The following AGBL4 variants were observed in gnomAD, a reference collection of about 807,000 sequenced individuals.
AGBL4 encodes AGBL carboxypeptidase 4.
A neutral mutation model predicts 66.4 loss-of-function variants in AGBL4; 58 were observed. That is an observed-to-expected ratio of 0.87 (90% CI 0.71 to 1.09). The LOEUF is 1.09. Ranked by LOEUF, AGBL4 falls within the 50% of genes least tolerant of loss-of-function variation. The probability of loss-of-function intolerance (pLI) is 0.00; values close to 1 mark genes in which losing one functional copy is unlikely to be tolerated. For synonymous variants in AGBL4, 234 were observed against 222.9 expected (o/e 1.05, Z -0.44); for missense variants, 579 against 631.0 (o/e 0.92, Z 0.88).
In AGBL4 at chr1:50,023,883, A is replaced by AC. The variant is rs1662639533; in HGVS notation, c.-88dup. 5 of 1,423,444 alleles carry AC rather than the reference A, an allele frequency of 3.5e-6. No individual in the cohort carries two copies. The highest frequency in any genetic ancestry group is 5.7e-5 in the East Asian group (2 of 34,984). 88.2% of individuals were successfully genotyped at this position (1,423,444 alleles called of 1,614,324 possible). A position where few individuals can be genotyped will look rare whatever the true frequency, so the allele number is the denominator to read the frequency against. ...TGGGATCAGTGGGCTGACAGGAGCT[A>AC]CCTCAGGAAGACGCGGCACGACGGT... On this transcript the variant is annotated 5_prime_UTR_variant, in exon 1 of 14. Coordinates refer to ENST00000371839, the MANE Select transcript of AGBL4 (RefSeq NM_032785.4).
chr1:48,717,483 G>C (rs182503042), intron 6 of AGBL4, among the ~76,000 whole-genome samples: 22 of 151,978 alleles, frequency 1.4e-4, no homozygotes, highest in African/African-American at 5.1e-4. Flanking sequence ...TTTGTTTGCT[G>C]TATTGACATT....
At chr1:48,769,776 C>G (rs1353836317) in intron 6 of AGBL4, among the ~76,000 whole-genome samples, 2 of 152,142 alleles carry the variant, frequency 1.3e-5, no homozygotes, top group Non-Finnish European at 2.9e-5. Flanking sequence ...CTAAATAACA[C>G]AGTGGGCAAT....
Position 49,345,444 on chromosome 1 carries a change from T to C in AGBL4, c.283-99580A>G, listed in dbSNP as rs111950985. 3.6e-3 allele frequency among the ~76,000 whole-genome samples: 554 copies of C among 152,254 alleles called. 5 individuals are homozygous for C. The highest frequency in any genetic ancestry group is 0.013 in the African/African-American group (532 of 41,550). ...CTAGAGGACTTTGATGAATACTCTT[T>C]AATGTAGGTCTCCAATAACTTTGGA... is the stretch of plus-strand genomic sequence containing the variant. On this transcript the variant is annotated intron_variant, in intron 3 of 13. Coordinates refer to ENST00000371839, the MANE Select transcript of AGBL4 (RefSeq NM_032785.4).
intron 1 of AGBL4, among the ~76,000 whole-genome samples, chr1:49,939,247 G>A (rs61785500): frequency 6.7e-6 from 1 of 150,130 alleles, no homozygotes. Context: ...TGGGTAGGAA[G>A]AATCAATATC....
At chr1:49,483,277 AAAT>A in intron 3 of AGBL4, among the ~76,000 whole-genome samples, 1 of 152,144 alleles carries the variant, frequency 6.6e-6, no homozygotes, top group East Asian at 1.9e-4. Context: ...CCAAAGAAGT[AAAT>A]AATCTTGGCA....
intron 3 of AGBL4, among the ~76,000 whole-genome samples, chr1:49,551,685 T>C (rs1652966280): frequency 6.6e-6 from 1 of 152,186 alleles, no homozygotes; most frequent in Non-Finnish European, 1.5e-5. Context: ...CATCACCTGT[T>C]CCAGTGGAGG....
chr1:48,627,190 A>T (rs1645517198), intron 9 of AGBL4, among the ~76,000 whole-genome samples: 1 of 152,186 alleles, frequency 6.6e-6, no homozygotes, highest in Non-Finnish European at 1.5e-5. Context: ...CTGGTGACCC[A>T]GTGGGACCCC....
intron 3 of AGBL4, among the ~76,000 whole-genome samples, chr1:49,526,154 C>T (rs1221268791): frequency 6.6e-6 from 1 of 151,858 alleles, no homozygotes; most frequent in Admixed American, 6.6e-5. Flanking sequence ...AGCAATTGCT[C>T]AATAAACACC....
chr1:49,197,272 C>T (rs1647308147), intron 4 of AGBL4, among the ~76,000 whole-genome samples: 1 of 152,112 alleles, frequency 6.6e-6, no homozygotes. Flanking sequence ...GTATCATGCT[C>T]GTGGTTTACC....
intron 2 of AGBL4, among the ~76,000 whole-genome samples, chr1:49,821,359 T>C (rs911759704): frequency 6.6e-6 from 1 of 152,214 alleles, no homozygotes; most frequent in Non-Finnish European, 1.5e-5. Flanking sequence ...AACCTGTTTC[T>C]TCATCTGTAA....
chr1:49,534,171 C>CAAAAAAAA (rs71059553), intron 3 of AGBL4, among the ~76,000 whole-genome samples: 8 of 67,022 alleles, frequency 1.2e-4, no homozygotes, highest in East Asian at 7.3e-4. Flanking sequence ...CACCATTTTA[C>CAAAAAAAA]AAAAAAAAAA....
intron 3 of AGBL4, among the ~76,000 whole-genome samples, chr1:49,542,913 A>AC (rs967316964): frequency 6.6e-6 from 1 of 150,480 alleles, no homozygotes; most frequent in African/African-American, 2.4e-5. Flanking sequence ...AAAAAAAAAA[A>AC]AAAAAAAAAA....
intron 4 of AGBL4, among the ~76,000 whole-genome samples, chr1:49,074,878 A>G (rs572866685): frequency 7.2e-5 from 11 of 152,328 alleles, no homozygotes; most frequent in African/African-American, 2.6e-4. Context: ...CAAACTCAGT[A>G]GTAGATTCCA....
At chr1:49,226,902 A>G (rs1001247367) in intron 4 of AGBL4, among the ~76,000 whole-genome samples, 1 of 152,216 alleles carries the variant, frequency 6.6e-6, no homozygotes, top group Non-Finnish European at 1.5e-5. Context: ...CAGGAAGTCC[A>G]AGGTCAAAGT....
chr1:48,622,018 T>C (rs1645422103), intron 9 of AGBL4, among the ~76,000 whole-genome samples: 1 of 152,036 alleles, frequency 6.6e-6, no homozygotes, highest in Non-Finnish European at 1.5e-5. Flanking sequence ...CATCCATGGC[T>C]CCCAGGGTCA....
chr1:49,146,134 G>A (rs1342728221), intron 4 of AGBL4, among the ~76,000 whole-genome samples: 3 of 152,144 alleles, frequency 2.0e-5, no homozygotes. Flanking sequence ...TAGGGAGGAA[G>A]TAGGGACAGT....
chr1:49,731,015 A>G (rs1433383680), intron 2 of AGBL4, among the ~76,000 whole-genome samples: 1 of 152,166 alleles, frequency 6.6e-6, no homozygotes, highest in African/African-American at 2.4e-5. Flanking sequence ...GACTACATCA[A>G]TGGGCTCCCT....
At chr1:49,500,358 T>C (rs34218806) in intron 3 of AGBL4, among the ~76,000 whole-genome samples, 5 of 151,880 alleles carry the variant, frequency 3.3e-5, no homozygotes, top group African/African-American at 1.2e-4. Flanking sequence ...TATTTTGCTG[T>C]GCAGAAGCTT....
At chr1:50,008,471 T>C (rs1210763003) in intron 1 of AGBL4, among the ~76,000 whole-genome samples, 1 of 151,882 alleles carries the variant, frequency 6.6e-6, no homozygotes, top group African/African-American at 2.4e-5. Flanking sequence ...AAACAAATGA[T>C]AACAAAAACA....
Sources: gnomAD v4.1 joint callset for allele counts (sites outside exome capture counted in the v4.1 genomes callset) on GRCh38, gnomAD v4.1.1 for gene constraint, MANE v1.5 for transcripts, NCBI Gene and HGNC (gene_info 2026-07-23, HGNC 2026-07-21) for gene names.